Variants in SNTB1 observed in about 807,000 individuals in gnomAD.
SNTB1 encodes syntrophin beta 1, also known as beta-1-syntrophin.
In SNTB1, 36 loss-of-function variants were observed where a neutral mutation model predicts 48.9. The observed-to-expected ratio is 0.74, with a 90% confidence interval of 0.56 to 0.97. The LOEUF (loss-of-function observed/expected upper bound fraction) is 0.97. Ranked by LOEUF, SNTB1 falls within the 50% of genes least tolerant of loss-of-function variation. SNTB1 has a pLI of 0.00. For missense variants in SNTB1, 786 were observed against 703.4 expected (o/e 1.12, Z -1.33); for synonymous variants, 299 against 294.6 (o/e 1.01, Z -0.15).
intron 2 of SNTB1, among the ~76,000 whole-genome samples, chr8:120,654,071 A>AAAAAAAAT (rs1817457552): frequency 2.1e-5 from 3 of 144,008 alleles, no homozygotes; most frequent in East Asian, 2.1e-4. Context: ...AAAAAAAAAA[A>AAAAAAAAT]GTTGTCTTCT....
chr8:120,653,393 T>C (rs1042346193), intron 2 of SNTB1, among the ~76,000 whole-genome samples: 18 of 152,074 alleles, frequency 1.2e-4, no homozygotes, highest in African/African-American at 4.1e-4. Context: ...GGAATGCCAA[T>C]GAGGGCAGGC....
At chr8:120,669,608 G>T (rs1192273377) in intron 2 of SNTB1, among the ~76,000 whole-genome samples, 4 of 87,740 alleles carry the variant, frequency 4.6e-5, no homozygotes, top group Non-Finnish European at 3.9e-5. Flanking sequence ...GCCTGCCACC[G>T]CGCCCGGCTA....
In SNTB1 at chr8:120,744,121, A is replaced by ATTTTTTTTTTTTTTTTTTTTTTTT. The variant is rs35604534; in HGVS notation, c.572-50214_572-50213insAAAAAAAAAAAAAAAAAAAAAAAA. 7.1e-4 allele frequency among the ~76,000 whole-genome samples: 96 copies of ATTTTTTTTTTTTTTTTTTTTTTTT among 136,066 alleles called. 2 individuals carry two copies. Among genetic ancestry groups the ATTTTTTTTTTTTTTTTTTTTTTTT allele is most frequent in the East Asian group, 2.1e-3 (9 of 4,360 alleles). 89.3% of individuals were successfully genotyped at this position (136,066 alleles called of 152,430 possible). A position where few individuals can be genotyped will look rare whatever the true frequency, so the allele number is the denominator to read the frequency against. On this transcript the variant is annotated intron_variant, in intron 1 of 6. Coordinates refer to ENST00000517992, the MANE Select transcript of SNTB1 (RefSeq NM_021021.4). ...CTCAAGCCTGGGTGACCCTGTCTCA[A>ATTTTTTTTTTTTTTTTTTTTTTTT]TTTTTTTTTTTTTTTGCAAGGGAAT...
intron 1 of SNTB1, among the ~76,000 whole-genome samples, chr8:120,726,121 C>T (rs1360173195): frequency 6.6e-6 from 1 of 152,192 alleles, no homozygotes; most frequent in East Asian, 1.9e-4. Context: ...ATAAATTTTT[C>T]CCCATTTGCT....
At position 120,555,546 on chromosome 8, in the gene SNTB1, G is replaced by T. The variant is rs868008651; in HGVS notation, c.1137-6588C>A. On this transcript the variant is annotated intron_variant, in intron 4 of 6. Transcript: ENST00000517992. ...CCGCCATCTTGAAAATGTCTAGTCC[G>T]TAGTTCCTGCCGGCATTCACCCCTG... Among the ~76,000 whole-genome samples the T allele has an allele frequency of 3.3e-5, 5 of 152,134 alleles. No individual in the cohort carries two copies. The South Asian group carries it at 8.3e-4, about 25-fold the overall frequency.
At chr8:120,793,360 C>T (rs554845374) in intron 1 of SNTB1, among the ~76,000 whole-genome samples, 1 of 152,200 alleles carries the variant, frequency 6.6e-6, no homozygotes, top group African/African-American at 2.4e-5. Context: ...ATACTGTTAT[C>T]GCCTTCAAAA....
intron 1 of SNTB1, among the ~76,000 whole-genome samples, chr8:120,804,585 T>C (rs1385053154): frequency 1.3e-5 from 2 of 152,164 alleles, no homozygotes; most frequent in East Asian, 1.9e-4. Flanking sequence ...ACCTACTCTC[T>C]GGCACTTCCA....
intron 3 of SNTB1, among the ~76,000 whole-genome samples, chr8:120,631,835 A>G (rs1816986113): frequency 6.6e-6 from 1 of 152,158 alleles, no homozygotes; most frequent in Non-Finnish European, 1.5e-5. Context: ...CTAAGTCTTT[A>G]TTATCTTTTC....
rs961272379 is a variant in SNTB1, at chr8:120,811,813, C to G, written c.31G>C (p.Gly11Arg). 7.3e-7 allele frequency: 1 copy of G among 1,362,596 alleles called. No homozygotes were observed. The highest frequency in any genetic ancestry group is 3.1e-5 in the East Asian group (1 of 32,748). The allele number at this position is 1,362,596 out of a possible 1,614,324, so 84.4% of individuals were successfully genotyped here. A position where few individuals can be genotyped will look rare whatever the true frequency, so the allele number is the denominator to read the frequency against. The change falls in exon 1 of 7, where the codon GGG becomes CGG. Residue 11 changes from glycine (G) to arginine (R), a missense_variant. Gly to Arg is a moderately radical substitution (Grantham distance 125, BLOSUM62 -2). Transcript: ENST00000517992. The part of the protein sequence containing the change: MAVAAAAAAA[G>R]PAGAGGGRAQ... The stretch of plus-strand genomic sequence containing the variant: ...CGGCCGCCTCCCGCGCCAGCCGGCC[C>G]AGCCGCCGCCGCCGCCGCCGCTACC...
chr8:120,688,888 T>C (rs894681673), intron 2 of SNTB1, among the ~76,000 whole-genome samples: 2 of 151,428 alleles, frequency 1.3e-5, no homozygotes, highest in Admixed American at 1.3e-4. Flanking sequence ...AGGTGTAGAG[T>C]AGACGGTGGG....
intron 1 of SNTB1, among the ~76,000 whole-genome samples, chr8:120,805,076 A>G (rs1820309332): frequency 6.6e-6 from 1 of 152,230 alleles, no homozygotes; most frequent in South Asian, 2.1e-4. Context: ...AGTTGTTAAA[A>G]GAGCAAATAT....
At chr8:120,703,918 C>G (rs751005726) in intron 1 of SNTB1, among the ~76,000 whole-genome samples, 1 of 152,156 alleles carries the variant, frequency 6.6e-6, no homozygotes, top group African/African-American at 2.4e-5. Context: ...TACTATTACG[C>G]CTACCTTATA....
chr8:120,677,487 A>T (rs1405872662), intron 2 of SNTB1, among the ~76,000 whole-genome samples: 1 of 152,172 alleles, frequency 6.6e-6, no homozygotes, highest in Non-Finnish European at 1.5e-5. Context: ...GTTTACCCAA[A>T]CGGCTGTTTT....
At chr8:120,609,868 G>A (rs905012301) in intron 3 of SNTB1, among the ~76,000 whole-genome samples, 2 of 152,102 alleles carry the variant, frequency 1.3e-5, no homozygotes, top group African/African-American at 4.8e-5. Context: ...AAGAGACCGT[G>A]GCCCAACACT....
At chr8:120,550,600 G>A (rs1290264597) in intron 4 of SNTB1, among the ~76,000 whole-genome samples, 1 of 149,286 alleles carries the variant, frequency 6.7e-6, no homozygotes, top group Non-Finnish European at 1.5e-5. Context: ...ATTGAGAGTA[G>A]AGTCTAGGAC....
intron 3 of SNTB1, among the ~76,000 whole-genome samples, chr8:120,614,443 G>T (rs1383448231): frequency 2.0e-5 from 3 of 152,220 alleles, no homozygotes; most frequent in Middle Eastern, 3.2e-3. Flanking sequence ...TGTGCTGGTA[G>T]AAATTCTTTA....
intron 3 of SNTB1, among the ~76,000 whole-genome samples, chr8:120,576,203 A>G (rs1156649962): frequency 2.6e-5 from 4 of 152,218 alleles, no homozygotes; most frequent in African/African-American, 4.8e-5. Context: ...CCCTTGGCTC[A>G]TTAAAGAAAC....
intron 5 of SNTB1, among the ~76,000 whole-genome samples, chr8:120,542,623 C>T (rs1175291616): frequency 6.6e-6 from 1 of 151,994 alleles, no homozygotes; most frequent in Admixed American, 6.5e-5. Context: ...CACTGTACTC[C>T]AGCCTGGGCG....
intron 4 of SNTB1, among the ~76,000 whole-genome samples, chr8:120,560,898 A>T (rs1815642880): frequency 6.6e-6 from 1 of 152,198 alleles, no homozygotes; most frequent in African/African-American, 2.4e-5. Flanking sequence ...TATTGCAGTG[A>T]AATAACTGCT....
Sources: allele counts gnomAD v4.1 joint callset (sites outside exome capture counted in the v4.1 genomes callset), GRCh38; gene constraint gnomAD v4.1.1; transcripts MANE v1.5; gene names NCBI Gene and HGNC (gene_info 2026-07-23, HGNC 2026-07-21).